DPH6: variants seen among roughly 807,000 people sequenced by gnomAD.
DPH6 encodes diphthamine biosynthesis 6, also known as diphthine--ammonia ligase.
DPH6 carries 33 observed loss-of-function variants against 38.2 expected under a neutral mutation model. The observed-to-expected ratio is 0.86, with a 90% CI of 0.65 to 1.15. The LOEUF is 1.15. DPH6 is among the 50% of genes most tolerant of loss of function. DPH6 has a pLI of 0.00. For synonymous variants in DPH6, 108 were observed against 103.0 expected (o/e 1.05, Z -0.30); for missense variants, 325 against 320.0 (o/e 1.02, Z -0.12).
chr15:35,352,012 A>C (rs2052516377), intron 3 of DPH6, among the ~76,000 whole-genome samples: 1 of 152,136 alleles, frequency 6.6e-6, no homozygotes, highest in African/African-American at 2.4e-5. Context: ...GAGTCACCTC[A>C]CACAGCCAGA....
At chr15:35,451,878 CGGG>C (rs2053938794) in intron 4 of DPH6, among the ~76,000 whole-genome samples, 1 of 152,124 alleles carries the variant, frequency 6.6e-6, no homozygotes, top group African/African-American at 2.4e-5. Flanking sequence ...GGCATGGTGG[CGGG>C]CGCCTGTGGT....
intron 3 of DPH6, among the ~76,000 whole-genome samples, chr15:35,499,401 T>C (rs897604561): frequency 1.3e-5 from 2 of 152,160 alleles, no homozygotes; most frequent in Non-Finnish European, 2.9e-5. Context: ...GGGCTGGTAT[T>C]TGTATCTCCT....
the DPH6 span, among the ~76,000 whole-genome samples, chr15:35,204,866 A>G: frequency 6.6e-6 from 1 of 151,974 alleles, no homozygotes; most frequent in Non-Finnish European, 1.5e-5. Context: ...TGGTTATTCA[A>G]AGTAATAGCT....
chr15:35,279,065 AAAAATATAT>A (rs1484389424), intron 3 of DPH6, among the ~76,000 whole-genome samples: 1 of 122,998 alleles, frequency 8.1e-6, no homozygotes, highest in African/African-American at 3.2e-5. Flanking sequence ...AAAAAAAAAA[AAAAATATAT>A]ATATATATAT....
At chr15:35,287,173 CAA>C (rs1270437609) in intron 3 of DPH6, among the ~76,000 whole-genome samples, 1 of 152,034 alleles carries the variant, frequency 6.6e-6, no homozygotes, top group African/African-American at 2.4e-5. Flanking sequence ...TTTTATGAGT[CAA>C]GAGATGATAT....
At chr15:35,541,873 T>C (rs926741836) in intron 2 of DPH6, among the ~76,000 whole-genome samples, 18 of 152,134 alleles carry the variant, frequency 1.2e-4, no homozygotes, top group Admixed American at 5.9e-4. Flanking sequence ...TGGATGCCCT[T>C]GTTACTACAG....
intron 6 of DPH6, among the ~76,000 whole-genome samples, chr15:35,386,381 T>G (rs1421353002): frequency 2.0e-5 from 3 of 152,240 alleles, no homozygotes; most frequent in Non-Finnish European, 4.4e-5. Context: ...GATGGCTGGG[T>G]CAAATGGTAT....
rs1212955159 is a variant in DPH6, at chr15:35,298,744, G to GC, written n.200+74776dup. ...TCTGTATGATCTTGTGCGCCACCGTGCCCCCCAAGTTAGCGAGGAAGGAGT... is the reference window on the plus strand; with the variant it reads ...TCTGTATGATCTTGTGCGCCACCGTGCCCCCCCAAGTTAGCGAGGAAGGAGT... On this transcript the variant is annotated intron_variant and non_coding_transcript_variant, in intron 3 of 3. Transcript: ENST00000560386. 3.2e-6 allele frequency: 5 copies of GC among 1,553,368 alleles called. No homozygotes were observed. The East Asian group carries it at 9.0e-5, about 28-fold the overall frequency.
intron 5 of DPH6, among the ~76,000 whole-genome samples, chr15:35,414,097 A>G (rs926925573): frequency 7.1e-6 from 1 of 141,512 alleles, no homozygotes; most frequent in Non-Finnish European, 1.5e-5. Flanking sequence ...TTTTAGCAAG[A>G]AAAATTAAGG....
intron 5 of DPH6, among the ~76,000 whole-genome samples, chr15:35,425,348 T>C (rs1179526262): frequency 1.3e-5 from 2 of 151,608 alleles, no homozygotes; most frequent in African/African-American, 4.8e-5. Context: ...GAGTTTTTAA[T>C]TAACTGTTAC....
chr15:35,355,212 A>T (rs954718445), intron 3 of DPH6, among the ~76,000 whole-genome samples: 1 of 152,158 alleles, frequency 6.6e-6, no homozygotes, highest in African/African-American at 2.4e-5. Context: ...TGAATACAGC[A>T]CACTGATGGG....
chr15:35,204,930 AG>A, the DPH6 span, among the ~76,000 whole-genome samples: 1 of 152,052 alleles, frequency 6.6e-6, no homozygotes, highest in South Asian at 2.1e-4. Context: ...TGAATACAGA[AG>A]GAAGAGAGAC....
At chr15:35,179,916 CCTTT>C in the DPH6 span, among the ~76,000 whole-genome samples, 60 of 152,132 alleles carry the variant, frequency 3.9e-4, no homozygotes, top group African/African-American at 1.4e-3. Context: ...TATTTCTTCT[CCTTT>C]GTCTCCTTCT....
chr15:35,528,836 G>T (rs1471329286), intron 3 of DPH6, among the ~76,000 whole-genome samples: 1 of 152,120 alleles, frequency 6.6e-6, no homozygotes, highest in Non-Finnish European at 1.5e-5. Flanking sequence ...TATAAAAATA[G>T]TTGTCACTCA....
At chr15:35,455,978 A>C (rs2053991128) in intron 3 of DPH6, among the ~76,000 whole-genome samples, 1 of 152,210 alleles carries the variant, frequency 6.6e-6, no homozygotes, top group South Asian at 2.1e-4. Context: ...ACAAAAATGC[A>C]AAAAAGGAAT....
chr15:35,386,229 T>G (rs2052954704), intron 6 of DPH6, among the ~76,000 whole-genome samples: 1 of 152,262 alleles, frequency 6.6e-6, no homozygotes, highest in Non-Finnish European at 1.5e-5. Context: ...TGCCACATTT[T>G]CTTAATCCAG....
chr15:35,274,814 C>T lies in DPH6; in HGVS notation n.201-54232G>A, dbSNP rs148943568. 3.5e-4 allele frequency among the ~76,000 whole-genome samples: 54 copies of T among 152,248 alleles called. 1 individual carries two copies. In the East Asian group the frequency reaches 9.1e-3, roughly 26 times the overall value. ...TGGTGGGAGTGTAAATTATTTAAAC[C>T]GTTGTGGATGACAGTGCGGCGATTC... On this transcript the variant is annotated intron_variant and non_coding_transcript_variant, in intron 3 of 3. Transcript: ENST00000560386.
intron 1 of DPH6, among the ~76,000 whole-genome samples, chr15:35,545,854 T>G (rs1233878893): frequency 6.6e-6 from 1 of 152,094 alleles, no homozygotes; most frequent in Non-Finnish European, 1.5e-5. Context: ...CTTTTTTTAA[T>G]TTCCCACTTG....
the DPH6 span, among the ~76,000 whole-genome samples, chr15:35,180,559 C>T: frequency 2.0e-5 from 3 of 152,188 alleles, no homozygotes; most frequent in African/African-American, 7.2e-5. Context: ...CTCCTAGGCC[C>T]AAGCGATCCT....
Sources: gnomAD v4.1 joint callset for allele counts (sites outside exome capture counted in the v4.1 genomes callset) on GRCh38, gnomAD v4.1.1 for gene constraint, MANE v1.5 for transcripts, NCBI Gene and HGNC (gene_info 2026-07-23, HGNC 2026-07-21) for gene names.